Variants in DNAH17 observed in about 807,000 individuals in gnomAD.
DNAH17 encodes axonemal beta dynein heavy chain 17.
Under a neutral mutation model 485.6 loss-of-function variants are expected in DNAH17, and 376 were observed. The observed-to-expected ratio is 0.77, with a 90% CI of 0.71 to 0.84. The LOEUF (loss-of-function observed/expected upper bound fraction) is 0.84. Ranked by LOEUF, DNAH17 falls within the 40% of genes least tolerant of loss-of-function variation. DNAH17 has a pLI of 0.00. For synonymous variants in DNAH17, 3,031 were observed against 2,405.9 expected, an observed-to-expected ratio of 1.26 and a Z score of -7.60; for missense variants, 6,370 against 5,839.3, an observed-to-expected ratio of 1.09 and a Z score of -2.96.
Position 78,570,315 on chromosome 17 carries a change from C to T in DNAH17, c.976G>A (p.Glu326Lys). The T allele has an allele frequency of 6.2e-7, 1 of 1,606,012 alleles. No homozygotes were observed. The highest frequency in any genetic ancestry group is 8.5e-7 in the Non-Finnish European group (1 of 1,176,724). The change falls in exon 7 of 81, where the codon GAG becomes AAG. Residue 326 changes from glutamate to lysine, a missense_variant. Coordinates refer to ENST00000389840, the MANE Select transcript of DNAH17 (RefSeq NM_173628.4). The part of the protein sequence containing the change: ...DTICFIWATS[E>K]YYNTPARIIV... The stretch of plus-strand genomic sequence containing the variant: ...ATCCTGGCAGGTGTGTTATAGTACT[C>T]AGAGGTGGCCCAGATGAAGCAGATG...
chr17:78,540,275 C>T (rs1341518867), intron 17 of DNAH17, among the ~76,000 whole-genome samples: 1 of 142,264 alleles, frequency 7.0e-6, no homozygotes, highest in Non-Finnish European at 1.5e-5. Flanking sequence ...GAAGGTTGAC[C>T]ATCCTCTCCA....
rs550407880 is a variant in DNAH17 at position 78,450,579 on chromosome 17, C to T, written c.10899+103G>A. On this transcript the variant is annotated intron_variant, in intron 67 of 80. Coordinates refer to ENST00000389840, the MANE Select transcript of DNAH17 (RefSeq NM_173628.4). ...CTGGGCCCACTCGGGCACGTATGAC[C>T]GAAGCTGCTTTTCTCCTTTCTCATG... The T allele has an allele frequency of 2.7e-4, 401 of 1,470,404 alleles. 1 individual carries two copies. The highest frequency in any genetic ancestry group is 7.2e-4 in the Middle Eastern group (3 of 4,178). 91.1% of individuals were successfully genotyped at this position (1,470,404 alleles called of 1,614,324 possible).
At chr17:78,438,933 A>C in intron 73 of DNAH17, 157 bp downstream of exon 73, 1 of 1,137,100 alleles carries the variant, frequency 8.8e-7, no homozygotes, top group Non-Finnish European at 1.2e-6. Flanking sequence ...AGCAGAGCCG[A>C]CACTGGGGAT....
At chr17:78,426,376 G>T in intron 79 of DNAH17, 81 bp downstream of exon 79, 1 of 1,449,062 alleles carries the variant, frequency 6.9e-7, no homozygotes, top group Non-Finnish European at 9.1e-7. Flanking sequence ...GCTCCTGCAG[G>T]CTCTAGGGTG....
Position 78,426,906 on chromosome 17 carries a change from C to T in DNAH17, c.12771+20G>A. ...TCACCATCCAGCCACGTCCCTGGGG[C>T]CGGGCTGACCCATGTTTACCTTCAG... is the stretch of plus-strand genomic sequence containing the variant. On this transcript the variant is annotated intron_variant, in intron 78 of 80. Transcript: ENST00000389840. The T allele has an allele frequency of 8.2e-6, 13 of 1,584,914 alleles. No homozygotes were observed. The highest frequency in any genetic ancestry group is 1.1e-5 in the Non-Finnish European group (13 of 1,165,234).
intron 25 of DNAH17, among the ~76,000 whole-genome samples, chr17:78,521,160 C>A (rs906051866): frequency 1.3e-5 from 2 of 152,204 alleles, no homozygotes; most frequent in African/African-American, 4.8e-5. Context: ...AATCCCAGTA[C>A]TTTGGGAGGC....
chr17:78,498,937 T>C, intron 37 of DNAH17, 71 bp downstream of exon 37: 1 of 1,213,986 alleles, frequency 8.2e-7, no homozygotes, highest in Non-Finnish European at 1.2e-6. Flanking sequence ...CTATCTGGCG[T>C]GTGAGGTCAC....
chr17:78,491,355 G>T, intron 43 of DNAH17, 88 bp downstream of exon 43: 2 of 1,520,646 alleles, frequency 1.3e-6, no homozygotes, highest in Non-Finnish European at 1.8e-6. Context: ...GGCATGCAGG[G>T]CCTGAGTGCT....
intron 25 of DNAH17, among the ~76,000 whole-genome samples, chr17:78,520,655 G>A (rs2090910608): frequency 6.6e-6 from 1 of 152,182 alleles, no homozygotes; most frequent in Non-Finnish European, 1.5e-5. Flanking sequence ...AAAGACACAT[G>A]AGGTATAAAT....
At chr17:78,490,276 G>A (rs963019030) in intron 44 of DNAH17, among the ~76,000 whole-genome samples, 1 of 152,184 alleles carries the variant, frequency 6.6e-6, no homozygotes, top group Non-Finnish European at 1.5e-5. Flanking sequence ...CCCGACCACT[G>A]CCCATCCGGC....
chr17:78,566,505 A>AT (rs879267678), intron 11 of DNAH17, 109 bp downstream of exon 11: 32 of 803,180 alleles, frequency 4.0e-5, no homozygotes, highest in Non-Finnish European at 6.4e-5. Context: ...CTCCCTGGAC[A>AT]TCAGCTCTAC....
At chr17:78,520,895 A>G (rs2090917423) in intron 25 of DNAH17, among the ~76,000 whole-genome samples, 1 of 152,220 alleles carries the variant, frequency 6.6e-6, no homozygotes, top group Non-Finnish European at 1.5e-5. Flanking sequence ...TTTATATGGA[A>G]AAGTACAAGT....
chr17:78,503,140 GATTTT>G, intron 31 of DNAH17, 129 bp from the exon 32 acceptor site: 1 of 848,784 alleles, frequency 1.2e-6, no homozygotes, highest in Non-Finnish European at 1.7e-6. Context: ...ACAGGTCAAG[GATTTT>G]ACAGAGCAGT....
chr17:78,533,230 C>T (rs1233953023), intron 19 of DNAH17, among the ~76,000 whole-genome samples: 2 of 152,146 alleles, frequency 1.3e-5, no homozygotes, highest in East Asian at 3.8e-4. Context: ...TACTGGGGCA[C>T]AGGCAGGGAG....
chr17:78,459,214 G>A lies in DNAH17; in HGVS notation c.9654-6C>T, dbSNP rs756965393. On this transcript the variant is annotated splice_region_variant and splice_polypyrimidine_tract_variant and intron_variant, in intron 60 of 80. Transcript: ENST00000389840. ...TCGGGTTGCCTTGGTAGGGCCTAGC[G>A]AGGGAACCAGAGGGCCGGAGTCGTC... 42 of 1,613,076 alleles carry A rather than the reference G, an allele frequency of 2.6e-5. No homozygotes were observed. The highest frequency in any genetic ancestry group is 3.3e-4 in the Middle Eastern group (2 of 6,016).
chr17:78,510,383 C>T lies in DNAH17; in HGVS notation c.4236+1G>A. 6.2e-7 allele frequency: 1 copy of T among 1,612,278 alleles called. No individual in the cohort carries two copies. Among genetic ancestry groups the T allele is most frequent in the Non-Finnish European group, 8.5e-7 (1 of 1,179,462 alleles). Reference sequence around the variant, plus strand: ...CAGACAGCACCGCCAGCACGGCCTACCTTTTCCATGCCCGACTCCTTCACG... The same window carrying T: ...CAGACAGCACCGCCAGCACGGCCTATCTTTTCCATGCCCGACTCCTTCACG... On this transcript the variant is annotated splice_donor_variant, in intron 27 of 80. Coordinates refer to ENST00000389840, the MANE Select transcript of DNAH17 (RefSeq NM_173628.4). LOFTEE classifies it high-confidence loss of function.
At chr17:78,444,579 G>T (rs1413633401) in intron 71 of DNAH17, 25 bp downstream of exon 71, 1 of 1,529,716 alleles carries the variant, frequency 6.5e-7, no homozygotes, top group Non-Finnish European at 8.8e-7. Flanking sequence ...CGGGGGCGGG[G>T]CCCCCGGCGC....
rs915060739 is a variant in DNAH17 at position 78,561,578 on chromosome 17, C to G, written c.1835+137G>C. The G allele has an allele frequency of 4.6e-5, 50 of 1,086,476 alleles. 1 individual carries two copies. Among genetic ancestry groups the G allele is most frequent in the Non-Finnish European group, 5.6e-5 (45 of 798,958 alleles). The allele number at this position is 1,086,476 out of a possible 1,614,324, so 67.3% of individuals were successfully genotyped here. A position where few individuals can be genotyped will look rare whatever the true frequency, so the allele number is the denominator to read the frequency against. ...GGGAGGAGGGAGGACCAGAAGGGGT[C>G]TCTTCTGGGCTTTTGCTCTGGGAGG... On this transcript the variant is annotated intron_variant, in intron 12 of 80. Transcript: ENST00000389840.
intron 16 of DNAH17, 63 bp downstream of exon 16, chr17:78,551,472 G>A: frequency 6.6e-7 from 1 of 1,514,878 alleles, no homozygotes; most frequent in East Asian, 2.3e-5. Context: ...ACGTAGCCTG[G>A]TTTGCCCCAG....
Sources: allele counts gnomAD v4.1 joint callset (sites outside exome capture counted in the v4.1 genomes callset), GRCh38; gene constraint gnomAD v4.1.1; transcripts MANE v1.5; gene names NCBI Gene and HGNC (gene_info 2026-07-23, HGNC 2026-07-21).